NDST4: variants seen among roughly 807,000 people sequenced by gnomAD.
NDST4 encodes the protein N-deacetylase and N-sulfotransferase 4.
In NDST4, 63 loss-of-function variants were observed where a neutral mutation model predicts 100.8. That is an observed-to-expected ratio of 0.62 (90% confidence interval 0.51 to 0.77). The LOEUF (loss-of-function observed/expected upper bound fraction) is 0.77, where lower values mean the gene tolerates loss of function less well. Ranked by LOEUF, NDST4 falls within the 30% of genes least tolerant of loss-of-function variation. The pLI, the probability that NDST4 is intolerant of heterozygous loss-of-function variation, is 0.00. For synonymous variants in NDST4, 377 were observed against 361.8 expected, an observed-to-expected ratio of 1.04 and a Z score of -0.48; for missense variants, 943 against 1,018.4, an observed-to-expected ratio of 0.93 and a Z score of 1.01.
At chr4:114,905,305 T>C (rs548766641) in intron 6 of NDST4, among the ~76,000 whole-genome samples, 170 of 151,998 alleles carry the variant, frequency 1.1e-3, no homozygotes, top group Non-Finnish European at 1.0e-3. Flanking sequence ...ATTACACAAA[T>C]AATATTTAGC....
chr4:115,102,338 C>T (rs1729746846), intron 1 of NDST4, among the ~76,000 whole-genome samples: 2 of 152,068 alleles, frequency 1.3e-5, no homozygotes, highest in South Asian at 4.1e-4. Flanking sequence ...AATTTGCTAG[C>T]TGACTTATGC....
At chr4:115,085,538 T>C (rs1295514206) in intron 1 of NDST4, among the ~76,000 whole-genome samples, 3 of 152,122 alleles carry the variant, frequency 2.0e-5, no homozygotes, top group Non-Finnish European at 4.4e-5. Flanking sequence ...TGGTGAAAGG[T>C]AATTGAATCA....
intron 7 of NDST4, among the ~76,000 whole-genome samples, chr4:114,869,860 AT>A (rs1465004872): frequency 6.6e-6 from 1 of 152,152 alleles, no homozygotes; most frequent in Non-Finnish European, 1.5e-5. Flanking sequence ...CATGTGTTGG[AT>A]GTATTTCTGA....
intron 2 of NDST4, among the ~76,000 whole-genome samples, chr4:115,051,858 C>T (rs1171177024): frequency 6.6e-6 from 1 of 152,064 alleles, no homozygotes; most frequent in Non-Finnish European, 1.5e-5. Context: ...AGTGTTTGTA[C>T]TAATTTACAT....
intron 2 of NDST4, among the ~76,000 whole-genome samples, chr4:115,000,185 A>G (rs566509767): frequency 6.6e-6 from 1 of 151,402 alleles, no homozygotes; most frequent in South Asian, 2.1e-4. Flanking sequence ...TGGCAACTAG[A>G]TCATCTGACA....
At chr4:114,841,700 T>C (rs1365692905) in intron 10 of NDST4, among the ~76,000 whole-genome samples, 1 of 152,230 alleles carries the variant, frequency 6.6e-6, no homozygotes, top group Non-Finnish European at 1.5e-5. Flanking sequence ...ATGCTTTTGG[T>C]ATACTGAAAA....
intron 5 of NDST4, 34 bp downstream of exon 5, chr4:114,937,284 A>T (rs777668310): frequency 6.2e-7 from 1 of 1,608,624 alleles, no homozygotes; most frequent in East Asian, 2.2e-5. Context: ...GTAAATATTA[A>T]CATCCTTCAA....
At chr4:115,090,155 A>T (rs915921087) in intron 1 of NDST4, among the ~76,000 whole-genome samples, 5 of 151,722 alleles carry the variant, frequency 3.3e-5, no homozygotes, top group Middle Eastern at 3.5e-3. Flanking sequence ...TTTCTAATGA[A>T]TTTTTTACTA....
At chr4:114,974,982 G>C (rs1331106121) in intron 3 of NDST4, among the ~76,000 whole-genome samples, 1 of 152,072 alleles carries the variant, frequency 6.6e-6, no homozygotes. Flanking sequence ...GTCCGACAAG[G>C]CCATCTCCTC....
chr4:114,958,018 T>C (rs1726176510), intron 4 of NDST4, among the ~76,000 whole-genome samples: 1 of 152,184 alleles, frequency 6.6e-6, no homozygotes, highest in Admixed American at 6.5e-5. Context: ...GTGCAAGCCA[T>C]TGGTGGATCT....
intron 1 of NDST4, among the ~76,000 whole-genome samples, chr4:115,091,757 C>T (rs1302864316): frequency 6.6e-6 from 1 of 152,104 alleles, no homozygotes; most frequent in East Asian, 1.9e-4. Flanking sequence ...ATGAAGTATA[C>T]TCAGATTAAT....
At chr4:114,880,738 T>TA (rs1388319396) in intron 6 of NDST4, among the ~76,000 whole-genome samples, 1 of 152,072 alleles carries the variant, frequency 6.6e-6, no homozygotes, top group East Asian at 1.9e-4. Flanking sequence ...AATGGGAACA[T>TA]AAAAAAGAGA....
At chr4:114,979,150 T>C (rs1726708572) in intron 2 of NDST4, among the ~76,000 whole-genome samples, 1 of 151,830 alleles carries the variant, frequency 6.6e-6, no homozygotes, top group Non-Finnish European at 1.5e-5. Context: ...TCTCTTTGCC[T>C]AGAAAGCCTC....
rs1729183875 is a variant in NDST4, at chr4:115,076,415, G to A, written c.622C>T (p.Pro208Ser). ...GGAAGAGGGCCTTTCTCAACCTTGGGGGCTTTGGTAATATGCAGCAAAGGA... is the reference window on the plus strand; with the variant it reads ...GGAAGAGGGCCTTTCTCAACCTTGGAGGCTTTGGTAATATGCAGCAAAGGA... ...QSPLLHITKAPKVEKGPLPGE... is the reference protein window; with the variant it reads ...QSPLLHITKASKVEKGPLPGE... Residue 208 changes from proline (P) to serine (S), a missense_variant, in exon 2 of 14, where the codon CCC becomes TCC. Transcript: ENST00000264363. 6.2e-7 allele frequency: 1 copy of A among 1,613,954 alleles called. No individual in the cohort carries two copies. Among genetic ancestry groups the A allele is most frequent in the Non-Finnish European group, 8.5e-7 (1 of 1,179,958 alleles).
chr4:115,097,954 T>C (rs1208667961), intron 1 of NDST4, among the ~76,000 whole-genome samples: 1 of 152,208 alleles, frequency 6.6e-6, no homozygotes, highest in Non-Finnish European at 1.5e-5. Context: ...TGTCCTCATT[T>C]CTTTTAATCT....
intron 6 of NDST4, among the ~76,000 whole-genome samples, chr4:114,884,953 G>A (rs1424532400): frequency 6.6e-6 from 1 of 152,110 alleles, no homozygotes; most frequent in East Asian, 1.9e-4. Context: ...GAGTGGTTTT[G>A]CAGTTTATAC....
rs536658704 is a variant in NDST4 at position 114,871,211 on chromosome 4, T to C, written c.1537-261A>G. Among the ~76,000 whole-genome samples the C allele has an allele frequency of 2.7e-4, 41 of 152,266 alleles. 1 individual carries two copies. Among genetic ancestry groups the C allele is most frequent in the Admixed American group, 2.1e-3 (32 of 15,250 alleles). Reference sequence around the variant, plus strand: ...TTACTTTGCATATCAGTTTTGCTTATTGTGGAGCCAATACCATCAAACTTC... The same window carrying C: ...TTACTTTGCATATCAGTTTTGCTTACTGTGGAGCCAATACCATCAAACTTC... On this transcript the variant is annotated intron_variant, in intron 6 of 13. Transcript: ENST00000264363.
At chr4:114,978,784 T>C (rs1467627483) in intron 2 of NDST4, among the ~76,000 whole-genome samples, 1 of 152,092 alleles carries the variant, frequency 6.6e-6, no homozygotes, top group Admixed American at 6.6e-5. Context: ...CGTCTGCTAT[T>C]CCCCTCACCA....
chr4:114,918,071 C>T (rs1021936455), intron 6 of NDST4, among the ~76,000 whole-genome samples: 1 of 152,170 alleles, frequency 6.6e-6, no homozygotes, highest in East Asian at 1.9e-4. Context: ...ATATATGTTT[C>T]TTAGAAAATG....
Sources: gnomAD v4.1 joint callset for allele counts (sites outside exome capture counted in the v4.1 genomes callset) on GRCh38, gnomAD v4.1.1 for gene constraint, MANE v1.5 for transcripts, NCBI Gene and HGNC (gene_info 2026-07-23, HGNC 2026-07-21) for gene names.